The following CNKSR2 variants were observed in gnomAD, a reference collection of about 807,000 sequenced individuals.
CNKSR2 encodes CNK homolog protein 2.
Under a neutral mutation model 84.4 loss-of-function variants are expected in CNKSR2, and 14 were observed. That is an observed-to-expected ratio of 0.17 (90% CI 0.11 to 0.26). The LOEUF is 0.26. CNKSR2 is among the 10% of genes least tolerant of loss of function. The pLI, the probability that CNKSR2 is intolerant of heterozygous loss-of-function variation, is 1.00. For missense variants in CNKSR2, 485 were observed against 771.2 expected (o/e 0.63, Z 4.40); for synonymous variants, 275 against 277.9 (o/e 0.99, Z 0.10).
chrX:21,374,618 A>C lies in CNKSR2; in HGVS notation c.-280A>C, dbSNP rs1569131234. 1 of 506,665 alleles carries C rather than the reference A, an allele frequency of 2.0e-6. No individual in the cohort carries two copies. Among genetic ancestry groups the C allele is most frequent in the African/African-American group, 2.4e-5 (1 of 42,379 alleles). 41.8% of individuals were successfully genotyped at this position (506,665 alleles called of 1,213,427 possible). A position where few individuals can be genotyped will look rare whatever the true frequency, so the allele number is the denominator to read the frequency against. On this transcript the variant is annotated 5_prime_UTR_variant, in exon 1 of 22. Transcript: ENST00000379510. ...AGGCAGCAGCAGCAGCAGCAGCAGCAGCAGCAGCAGCAGCCGCCGCCGCCG... is the reference window on the plus strand; with the variant it reads ...AGGCAGCAGCAGCAGCAGCAGCAGCCGCAGCAGCAGCAGCCGCCGCCGCCG...
intron 20 of CNKSR2, among the ~76,000 whole-genome samples, chrX:21,610,300 C>T (rs933024924): frequency 8.9e-6 from 1 of 112,200 alleles, no homozygotes. Context: ...AAGTAATCCT[C>T]TGCCTTGTTG....
At chrX:21,593,730 T>C (rs1391947104) in intron 15 of CNKSR2, 8 of 111,538 alleles carry the variant, frequency 7.2e-5, no homozygotes, top group Non-Finnish European at 1.5e-4. Context: ...ATGACCTTTA[T>C]ATATATATAG....
chrX:21,500,656 A>T (rs181039313), intron 7 of CNKSR2, among the ~76,000 whole-genome samples: 1 of 111,665 alleles, frequency 9.0e-6, no homozygotes, highest in African/African-American at 3.2e-5. Flanking sequence ...TAAAATTTCT[A>T]TCTTAAATCT....
chrX:21,386,010 G>T (rs191068125), intron 1 of CNKSR2, among the ~76,000 whole-genome samples: 36 of 79,496 alleles, frequency 4.5e-4, no homozygotes, highest in Non-Finnish European at 6.6e-4. Context: ...GCTGAGTCTG[G>T]ATGTAGGCAA....
intron 5 of CNKSR2, among the ~76,000 whole-genome samples, chrX:21,475,282 A>G (rs2091248576): frequency 8.9e-6 from 1 of 111,946 alleles, no homozygotes; most frequent in Non-Finnish European, 1.9e-5. Context: ...GTATGCCTGT[A>G]TCCAAATATC....
At chrX:21,518,655 A>T (rs1463520730) in intron 9 of CNKSR2, among the ~76,000 whole-genome samples, 1 of 111,664 alleles carries the variant, frequency 9.0e-6, no homozygotes, top group Non-Finnish European at 1.9e-5. Flanking sequence ...CTTTAATTTT[A>T]AAAATTACGT....
chrX:21,385,758 T>C (rs939637595), intron 1 of CNKSR2, among the ~76,000 whole-genome samples: 1 of 111,721 alleles, frequency 9.0e-6, no homozygotes, highest in African/African-American at 3.2e-5. Flanking sequence ...GAAATACTTT[T>C]CAAAGATGTG....
intron 15 of CNKSR2, chrX:21,594,082 C>T (rs1349118297): frequency 8.9e-6 from 1 of 112,051 alleles, no homozygotes; most frequent in African/African-American, 3.2e-5. Flanking sequence ...AAATGCATAT[C>T]ACTGACAGAT....
intron 17 of CNKSR2, among the ~76,000 whole-genome samples, chrX:21,596,281 A>G (rs182021750): frequency 4.5e-5 from 5 of 110,495 alleles, no homozygotes; most frequent in East Asian, 2.8e-4. Context: ...AACCAGCCCA[A>G]TCTCAGCTCT....
chrX:21,476,874 A>G (rs192981127), intron 5 of CNKSR2, among the ~76,000 whole-genome samples: 59 of 112,085 alleles, frequency 5.3e-4, no homozygotes, highest in Non-Finnish European at 1.7e-4. Context: ...TCTGGATTAC[A>G]CATTCTCTGG....
intron 11 of CNKSR2, among the ~76,000 whole-genome samples, chrX:21,549,070 A>G (rs1216110651): frequency 8.9e-6 from 1 of 112,590 alleles, no homozygotes; most frequent in Non-Finnish European, 1.9e-5. Flanking sequence ...AGTTCTGGCC[A>G]GGGCCATCAG....
chrX:21,486,794 G>A (rs1193619414), intron 5 of CNKSR2, among the ~76,000 whole-genome samples: 1 of 111,392 alleles, frequency 9.0e-6, no homozygotes, highest in Non-Finnish European at 1.9e-5. Context: ...ATAATATAAT[G>A]TCTCACATGA....
At chrX:21,409,228 TTATATATATATATATATATA>T (rs57301315) in intron 1 of CNKSR2, among the ~76,000 whole-genome samples, 1,315 of 38,449 alleles carry the variant, frequency 0.034, 25 homozygotes, top group Admixed American at 0.053. Flanking sequence ...AATGAAAAAA[TTATATATATATATATATATA>T]TATATATATA....
intron 1 of CNKSR2, among the ~76,000 whole-genome samples, chrX:21,404,162 A>G (rs1427225158): frequency 5.4e-5 from 6 of 111,845 alleles, no homozygotes; most frequent in Non-Finnish European, 9.4e-5. Context: ...TAGAGGAGAG[A>G]TGCAAGATGC....
chrX:21,654,242 G>A lies in CNKSR2; in HGVS notation c.*1721G>A, dbSNP rs1315849493. On this transcript the variant is annotated 3_prime_UTR_variant, in exon 22 of 22. Coordinates refer to ENST00000379510, the MANE Select transcript of CNKSR2 (RefSeq NM_014927.5). ...ATTTATTTACTGCATGGATATTGAC[G>A]CACATTAAATTTGTGGGATTTTGTA... 5.9e-5 allele frequency: 5 copies of A among 84,242 alleles called. No individual in the cohort carries two copies. Among genetic ancestry groups the A allele is most frequent in the Non-Finnish European group, 6.5e-5 (3 of 45,978 alleles). The allele number at this position is 84,242 out of a possible 1,213,427, so 6.9% of individuals were successfully genotyped here. A position where few individuals can be genotyped will look rare whatever the true frequency, so the allele number is the denominator to read the frequency against.
intron 13 of CNKSR2, among the ~76,000 whole-genome samples, chrX:21,575,327 T>C (rs1029889466): frequency 9.0e-6 from 1 of 111,147 alleles, no homozygotes; most frequent in Admixed American, 9.6e-5. Context: ...TTTGGTTTTT[T>C]TATTAAAAAA....
chrX:21,535,745 A>G (rs1236405936), intron 11 of CNKSR2, among the ~76,000 whole-genome samples: 1 of 111,302 alleles, frequency 9.0e-6, no homozygotes, highest in African/African-American at 3.3e-5. Flanking sequence ...GAAGTTCTTA[A>G]TCAGTTCTAA....
intron 8 of CNKSR2, chrX:21,504,773 T>A (rs2147073059): frequency 3.4e-6 from 1 of 294,190 alleles, no homozygotes; most frequent in South Asian, 2.1e-4. Flanking sequence ...CATGTTGCTA[T>A]ATTCTCTGTT....
At chrX:21,501,283 G>T (rs1199811570) in intron 7 of CNKSR2, among the ~76,000 whole-genome samples, 1 of 109,875 alleles carries the variant, frequency 9.1e-6, no homozygotes, top group Non-Finnish European at 1.9e-5. Flanking sequence ...CATTAGCTAT[G>T]CATAGAATGC....
Sources: allele counts gnomAD v4.1 joint callset (sites outside exome capture counted in the v4.1 genomes callset), GRCh38; gene constraint gnomAD v4.1.1; transcripts MANE v1.5; gene names NCBI Gene and HGNC (gene_info 2026-07-23, HGNC 2026-07-21).